DOCK7: variants seen among roughly 807,000 people sequenced by gnomAD.
The protein encoded by DOCK7 is dedicator of cytokinesis 7.
Under a neutral mutation model 271.0 loss-of-function variants are expected in DOCK7, and 138 were observed. The ratio of observed to expected loss-of-function variants is 0.51; its 90% CI spans 0.44 to 0.59. DOCK7 has a LOEUF of 0.59. Among genes scored for constraint, DOCK7 ranks in the 20% least tolerant of loss-of-function variants. The probability of loss-of-function intolerance (pLI) is 0.00; values close to 1 mark genes in which losing one functional copy is unlikely to be tolerated. For synonymous variants in DOCK7, 823 were observed against 876.1 expected (o/e 0.94, Z 1.07); for missense variants, 2,066 against 2,592.4 (o/e 0.80, Z 4.41).
At chr1:62,552,943 G>A (rs1477972440) in intron 21 of DOCK7, 42 bp from the exon 22 acceptor site, 3 of 1,376,976 alleles carry the variant, frequency 2.2e-6, no homozygotes, top group South Asian at 4.2e-5. Flanking sequence ...AAGAAAATTA[G>A]TCAGGAAAGG....
chr1:62,624,249 C>T (rs557488000), intron 12 of DOCK7, among the ~76,000 whole-genome samples: 9 of 152,098 alleles, frequency 5.9e-5, no homozygotes, highest in Admixed American at 1.3e-4. Flanking sequence ...AGGGGGGGAA[C>T]GACTCCCTAA....
At position 62,545,059 on chromosome 1, in the gene DOCK7, C is replaced by A; in HGVS notation, c.2767-20G>T. On this transcript the variant is annotated intron_variant, in intron 22 of 49. Transcript: ENST00000635253. ...TAAACCCTAAGCATATAATAGAAAG[C>A]AGTTTGAAAGGAAAGAAATATTACA... The A allele has an allele frequency of 6.6e-7, 1 of 1,525,594 alleles. No individual in the cohort carries two copies. The highest frequency in any genetic ancestry group is 8.8e-7 in the Non-Finnish European group (1 of 1,131,660). The allele number at this position is 1,525,594 out of a possible 1,614,324, so 94.5% of individuals were successfully genotyped here.
intron 21 of DOCK7, 80 bp from the exon 22 acceptor site, chr1:62,552,981 G>A: frequency 8.6e-6 from 9 of 1,052,070 alleles, no homozygotes; most frequent in Non-Finnish European, 8.8e-6. Context: ...TGCCACTTTA[G>A]AAAATTCCAC....
intron 3 of DOCK7, 66 bp from the exon 4 acceptor site, chr1:62,653,859 T>A: frequency 6.8e-7 from 1 of 1,466,634 alleles, no homozygotes; most frequent in South Asian, 1.2e-5. Flanking sequence ...TTAATTTGGT[T>A]GCTACAATCG....
intron 1 of DOCK7, chr1:62,687,736 C>T (rs1474739333): frequency 6.6e-6 from 1 of 152,458 alleles, no homozygotes; most frequent in South Asian, 2.1e-4. Context: ...GGCCTCCCAC[C>T]CGCCCCGAGC....
At chr1:62,467,016 C>T (rs954082298) in intron 48 of DOCK7, among the ~76,000 whole-genome samples, 6 of 152,008 alleles carry the variant, frequency 3.9e-5, no homozygotes, top group Non-Finnish European at 7.4e-5. Flanking sequence ...GATCAAGGGT[C>T]GTAAGGACCT....
intron 1 of DOCK7, among the ~76,000 whole-genome samples, chr1:62,665,891 C>T (rs1160375710): frequency 2.6e-5 from 4 of 151,982 alleles, no homozygotes; most frequent in African/African-American, 4.8e-5. Flanking sequence ...TGGCCGGGAA[C>T]GGTGGCTCAC....
chr1:62,604,519 G>C, intron 14 of DOCK7: 1 of 1,105,808 alleles, frequency 9.0e-7, no homozygotes, highest in South Asian at 1.4e-5. Context: ...TGGGATACAT[G>C]CATCTAAAAC....
At chr1:62,666,402 C>T (rs1659324212) in intron 1 of DOCK7, among the ~76,000 whole-genome samples, 1 of 152,124 alleles carries the variant, frequency 6.6e-6, no homozygotes, top group Non-Finnish European at 1.5e-5. Context: ...TATCTTTCTA[C>T]ATGACATTAA....
At chr1:62,650,923 G>A (rs536821419) in intron 4 of DOCK7, among the ~76,000 whole-genome samples, 9 of 152,242 alleles carry the variant, frequency 5.9e-5, no homozygotes, top group African/African-American at 2.2e-4. Flanking sequence ...AATACTATTT[G>A]ACCCAGCCAT....
intron 41 of DOCK7, 151 bp downstream of exon 41, chr1:62,492,553 G>T: frequency 1.2e-6 from 1 of 853,826 alleles, no homozygotes; most frequent in Non-Finnish European, 1.8e-6. Context: ...CTCTCAAAGT[G>T]CTGAGATTAC....
intron 31 of DOCK7, among the ~76,000 whole-genome samples, chr1:62,527,890 A>AT (rs398102788): frequency 6.6e-6 from 1 of 151,180 alleles, no homozygotes; most frequent in Non-Finnish European, 1.5e-5. Context: ...AAAAAAAAAA[A>AT]GAAATGAACT....
chr1:62,480,917 G>C (rs1426698172), intron 43 of DOCK7, among the ~76,000 whole-genome samples: 1 of 146,514 alleles, frequency 6.8e-6, no homozygotes, highest in African/African-American at 2.5e-5. Flanking sequence ...GCTGAGGCAC[G>C]AGAATGGCGT....
intron 1 of DOCK7, among the ~76,000 whole-genome samples, chr1:62,672,082 TCCATCTCTCTG>T (rs1660082385): frequency 6.6e-6 from 1 of 151,904 alleles, no homozygotes; most frequent in African/African-American, 2.4e-5. Context: ...AAATAAAAGG[TCCATCTCTCTG>T]CCATCTCCAA....
chr1:62,606,404 T>C (rs1031025454), intron 14 of DOCK7, among the ~76,000 whole-genome samples: 3 of 152,034 alleles, frequency 2.0e-5, no homozygotes, highest in African/African-American at 4.8e-5. Flanking sequence ...AAAGCTTTTT[T>C]CTACCAGAAA....
intron 2 of DOCK7, among the ~76,000 whole-genome samples, chr1:62,654,712 A>G (rs1269637315): frequency 1.3e-5 from 2 of 152,270 alleles, no homozygotes; most frequent in Non-Finnish European, 2.9e-5. Flanking sequence ...GATGTAATTA[A>G]GGATCTTAAA....
Position 62,680,314 on chromosome 1 carries a change from T to C in DOCK7, c.38+7913A>G, listed in dbSNP as rs1232315344. ...AGGATTCCCTATTTAATAAATGGTG[T>C]CGGGAAACCTGGCTAGCCATATGTA... On this transcript the variant is annotated intron_variant, in intron 1 of 49. Transcript: ENST00000635253. Among the ~76,000 whole-genome samples the C allele has an allele frequency of 3.6e-3, 538 of 151,258 alleles. 2 individuals are homozygous for C. Among genetic ancestry groups the C allele is most frequent in the African/African-American group, 0.013 (512 of 40,718 alleles).
intron 1 of DOCK7, among the ~76,000 whole-genome samples, chr1:62,682,675 G>A (rs1661308027): frequency 6.6e-6 from 1 of 152,184 alleles, no homozygotes; most frequent in Non-Finnish European, 1.5e-5. Flanking sequence ...GGATTGATGA[G>A]GAAGAGAATA....
At chr1:62,475,146 C>T (rs916648328) in intron 47 of DOCK7, 62 bp downstream of exon 47, 5 of 1,503,194 alleles carry the variant, frequency 3.3e-6, no homozygotes, top group African/African-American at 1.4e-5. Context: ...TATTTCTGAT[C>T]TGAAATTATC....
Sources: allele counts gnomAD v4.1 joint callset (sites outside exome capture counted in the v4.1 genomes callset), GRCh38; gene constraint gnomAD v4.1.1; transcripts MANE v1.5; gene names NCBI Gene and HGNC (gene_info 2026-07-23, HGNC 2026-07-21).